Variants in RTN4 observed in about 807,000 individuals in gnomAD.
The protein encoded by RTN4 is reticulon 4, also known as reticulon-4.
RTN4 carries 32 observed loss-of-function variants against 90.4 expected under a neutral mutation model. The ratio of observed to expected loss-of-function variants is 0.35; its 90% CI spans 0.27 to 0.48. The LOEUF (loss-of-function observed/expected upper bound fraction) is 0.48, where lower values mean the gene tolerates loss of function less well. Among genes scored for constraint, RTN4 ranks in the 20% least tolerant of loss-of-function variants. The pLI, the probability that RTN4 is intolerant of heterozygous loss-of-function variation, is 0.99. For synonymous variants in RTN4, 629 were observed against 552.5 expected, an observed-to-expected ratio of 1.14 and a Z score of -1.94; for missense variants, 1,706 against 1,430.2, an observed-to-expected ratio of 1.19 and a Z score of -3.11.
chr2:55,057,676 A>T (rs898855743), intron 2 of RTN4, among the ~76,000 whole-genome samples: 1 of 152,160 alleles, frequency 6.6e-6, no homozygotes, highest in Non-Finnish European at 1.5e-5. Flanking sequence ...GAGAAAGCGA[A>T]AAGAGGATGG....
intron 2 of RTN4, among the ~76,000 whole-genome samples, chr2:55,059,100 A>T (rs1006462756): frequency 3.3e-5 from 5 of 152,110 alleles, no homozygotes; most frequent in Non-Finnish European, 7.3e-5. Context: ...CTAATAACGG[A>T]GATGACCTTG....
intron 1 of RTN4, among the ~76,000 whole-genome samples, chr2:55,084,794 T>C (rs1668806804): frequency 6.6e-6 from 1 of 152,198 alleles, no homozygotes; most frequent in South Asian, 2.1e-4. Flanking sequence ...TCTGTGTTGT[T>C]GCTGTTTTGA....
intron 2 of RTN4, among the ~76,000 whole-genome samples, chr2:55,071,798 G>C (rs960355914): frequency 2.0e-5 from 3 of 152,132 alleles, no homozygotes; most frequent in African/African-American, 7.2e-5. Flanking sequence ...TATTAGTGAA[G>C]GGAGGGAAAA....
At chr2:55,018,634 G>A (rs139150235) in intron 3 of RTN4, among the ~76,000 whole-genome samples, 178 of 152,044 alleles carry the variant, frequency 1.2e-3, no homozygotes, top group African/African-American at 4.2e-3. Context: ...AGGAACCAGG[G>A]TTCTCACTAT....
chr2:55,067,595 T>A (rs2968830), intron 2 of RTN4, among the ~76,000 whole-genome samples: 151,041 of 152,228 alleles, frequency 0.99, 74,935 homozygotes, highest in East Asian at 1. Context: ...TTGTATTTTT[T>A]GTAGAGATAG....
At chr2:55,016,442 G>T (rs1681042916) in intron 3 of RTN4, among the ~76,000 whole-genome samples, 1 of 152,048 alleles carries the variant, frequency 6.6e-6, no homozygotes, top group African/African-American at 2.4e-5. Flanking sequence ...AATTAGCCAG[G>T]CACGGTGGCC....
At chr2:55,125,032 C>T in the RTN4 span, among the ~76,000 whole-genome samples, 1 of 152,132 alleles carries the variant, frequency 6.6e-6, no homozygotes, top group African/African-American at 2.4e-5. Context: ...TGAAAATGGA[C>T]CCCTTTCTTA....
chr2:54,980,933 C>G (rs1019662628), intron 5 of RTN4, among the ~76,000 whole-genome samples: 8 of 152,174 alleles, frequency 5.3e-5, no homozygotes, highest in Non-Finnish European at 1.0e-4. Flanking sequence ...GTACAAGGTT[C>G]TATTTCATTT....
chr2:54,981,212 T>C (rs897344300), intron 5 of RTN4, among the ~76,000 whole-genome samples: 1 of 151,682 alleles, frequency 6.6e-6, no homozygotes. Flanking sequence ...GGCTCATACC[T>C]GTAAGCCCAG....
At chr2:55,091,816 G>C (rs1237953002) in intron 1 of RTN4, among the ~76,000 whole-genome samples, 1 of 148,784 alleles carries the variant, frequency 6.7e-6, no homozygotes, top group Non-Finnish European at 1.5e-5. Flanking sequence ...GGAGGTAAAA[G>C]GCATTTCTTA....
At chr2:55,013,624 T>G (rs1000774300) in intron 3 of RTN4, among the ~76,000 whole-genome samples, 2,649 of 30,310 alleles carry the variant, frequency 0.087, 1 homozygote, top group Middle Eastern at 0.12. Flanking sequence ...GGGGGGAGGG[T>G]GTAGGGGGGG....
At position 55,024,975 on chromosome 2, in the gene RTN4, A is replaced by C. The variant is rs150903033; in HGVS notation, c.3013+111T>G. On this transcript the variant is annotated intron_variant, in intron 3 of 8. Transcript: ENST00000337526. ...GAAAAAGTGGAGAAGACTTCTTACC[A>C]ATGTGACATATGAGACACTATAAAC... 6.1e-4 allele frequency: 795 copies of C among 1,294,002 alleles called. 3 individuals carry two copies. The African/African-American group carries it at 0.011, about 18-fold the overall frequency. The allele number at this position is 1,294,002 out of a possible 1,614,324, so 80.2% of individuals were successfully genotyped here.
chr2:55,050,140 ACCTCCAGCT>A lies in RTN4; in HGVS notation c.152_160del (p.Glu51_Glu53del), dbSNP rs769974875. 10 of 1,543,984 alleles carry A rather than the reference ACCTCCAGCT, an allele frequency of 6.5e-6. No homozygotes were observed. Among genetic ancestry groups the A allele is most frequent in the East Asian group, 2.6e-5 (1 of 38,552 alleles). ...CCCGGCGGCGGGCTTCCTCTCCAGC[ACCTCCAGCT>A]CCTCCAGGTCTTCGTCCTCGTCCTC... On this transcript the variant is annotated inframe_deletion, in exon 1 of 9. Coordinates refer to ENST00000337526, the MANE Select transcript of RTN4 (RefSeq NM_020532.5). This position sits in a 1 kb window ranked among gnomAD's most constrained non-coding sequence, Gnocchi z 4.6.
At chr2:55,112,128 G>GC (rs1668049600) in intron 1 of RTN4, among the ~76,000 whole-genome samples, 2 of 152,334 alleles carry the variant, frequency 1.3e-5, no homozygotes, top group Admixed American at 1.3e-4. Context: ...GAGGCCCCCT[G>GC]TGGGGGAGCG....
At chr2:55,128,195 G>A in the RTN4 span, among the ~76,000 whole-genome samples, 1 of 152,114 alleles carries the variant, frequency 6.6e-6, no homozygotes, top group Non-Finnish European at 1.5e-5. Flanking sequence ...GACAGAGCAT[G>A]TCCTCAAAAC....
intron 1 of RTN4, among the ~76,000 whole-genome samples, chr2:55,037,148 AC>A (rs1682747080): frequency 6.6e-6 from 1 of 152,258 alleles, no homozygotes; most frequent in Admixed American, 6.5e-5. Context: ...TAACAAAAAA[AC>A]ATAAAATATT....
At chr2:54,974,790 T>C (rs746303631) in intron 5 of RTN4, 26 bp from the exon 6 acceptor site, 32 of 1,593,784 alleles carry the variant, frequency 2.0e-5, no homozygotes, top group Non-Finnish European at 2.7e-5. Context: ...ATTAGCCCAT[T>C]ATAAACAAAA....
chr2:54,992,526 G>T (rs1679091091), intron 3 of RTN4, among the ~76,000 whole-genome samples: 1 of 152,028 alleles, frequency 6.6e-6, no homozygotes, highest in Non-Finnish European at 1.5e-5. Context: ...CAAAAACCGA[G>T]AACAGGGCTT....
rs775279786 is a variant in RTN4 at position 55,063,681 on chromosome 2, G to A, written c.-63+16808C>T. On this transcript the variant is annotated intron_variant, in intron 2 of 3. Coordinates refer to the RTN4 transcript ENST00000427710. Reference sequence around the variant, plus strand: ...GGATCACCTGAGGTCAGCAGTTCCCGACCAGCCTGGACAACATGGTAAAAC... The same window carrying A: ...GGATCACCTGAGGTCAGCAGTTCCCAACCAGCCTGGACAACATGGTAAAAC... Among the ~76,000 whole-genome samples, 5 of 151,906 alleles carry A rather than the reference G, an allele frequency of 3.3e-5. 1 individual carries two copies. Among genetic ancestry groups the A allele is most frequent in the Non-Finnish European group, 7.4e-5 (5 of 68,002 alleles).
Sources: allele counts gnomAD v4.1 joint callset (sites outside exome capture counted in the v4.1 genomes callset), GRCh38; gene constraint gnomAD v4.1.1; non-coding constraint Gnocchi (gnomAD v3.1); transcripts MANE v1.5; gene names NCBI Gene and HGNC (gene_info 2026-07-23, HGNC 2026-07-21).